RBFOX1: variants seen among roughly 807,000 people sequenced by gnomAD.
The protein encoded by RBFOX1 is RNA binding fox-1 homolog 1.
A neutral mutation model predicts 57.7 loss-of-function variants in RBFOX1; 8 were observed. That is an observed-to-expected ratio of 0.14 (90% CI 0.08 to 0.25). RBFOX1 has a LOEUF of 0.25. Ranked by LOEUF, RBFOX1 falls within the 10% of genes least tolerant of loss-of-function variation. RBFOX1 has a pLI of 1.00. For synonymous variants in RBFOX1, 326 were observed against 222.4 expected (o/e 1.47, Z -4.15); for missense variants, 611 against 548.5 (o/e 1.11, Z -1.14).
intron 1 of RBFOX1, among the ~76,000 whole-genome samples, chr16:6,179,217 C>G (rs923797728): frequency 6.6e-6 from 1 of 152,150 alleles, no homozygotes; most frequent in African/African-American, 2.4e-5. Flanking sequence ...GCTGTCTTCT[C>G]CCTTTAACTA....
rs924410078 is a variant in RBFOX1, at chr16:7,254,362, C to T, written c.27+202264C>T. Among the ~76,000 whole-genome samples, 9 of 152,192 alleles carry T rather than the reference C, an allele frequency of 5.9e-5. No individual in the cohort carries two copies. The South Asian group carries it at 1.0e-3, about 18-fold the overall frequency. On this transcript the variant is annotated intron_variant, in intron 4 of 15. Transcript: ENST00000550418. ...CCAACCCTGGGCTCCTTAGGTTAATCGGGTTTATTGGATTATCTAGCACAT... is the reference window on the plus strand; with the variant it reads ...CCAACCCTGGGCTCCTTAGGTTAATTGGGTTTATTGGATTATCTAGCACAT...
chr16:6,403,386 A>G (rs186413864), intron 2 of RBFOX1, among the ~76,000 whole-genome samples: 5 of 152,108 alleles, frequency 3.3e-5, no homozygotes, highest in Admixed American at 2.6e-4. Flanking sequence ...TTTTAAATAG[A>G]GGATTCTACT....
chr16:5,372,451 AAAAT>A (rs71142617), intron 1 of RBFOX1, among the ~76,000 whole-genome samples: 21,469 of 152,194 alleles, frequency 0.14, 2,091 homozygotes, highest in Non-Finnish European at 0.2. Flanking sequence ...TTGGTCATGA[AAAAT>A]AAATAAGTAA....
chr16:5,438,841 C>T (rs1409407854), intron 1 of RBFOX1, among the ~76,000 whole-genome samples: 1 of 152,024 alleles, frequency 6.6e-6, no homozygotes, highest in African/African-American at 2.4e-5. Context: ...GGTCAAAATC[C>T]CGCCTTCACC....
At chr16:7,646,113 A>G (rs951462773) in intron 11 of RBFOX1, among the ~76,000 whole-genome samples, 6 of 152,228 alleles carry the variant, frequency 3.9e-5, no homozygotes, top group African/African-American at 1.4e-4. Flanking sequence ...GTAAAATCCT[A>G]TGTTATAAAC....
At chr16:6,774,427 A>C (rs913007772) in intron 3 of RBFOX1, among the ~76,000 whole-genome samples, 2 of 152,180 alleles carry the variant, frequency 1.3e-5, no homozygotes, top group Non-Finnish European at 2.9e-5. Flanking sequence ...GGGACTCTAA[A>C]TAATAGGTTC....
At chr16:7,051,926 A>C in intron 3 of RBFOX1, 131 bp from the exon 4 acceptor site, 2 of 1,403,746 alleles carry the variant, frequency 1.4e-6, no homozygotes, top group Non-Finnish European at 1.9e-6. Flanking sequence ...CCTAAAGAAA[A>C]ATTAAATACA....
chr16:5,598,939 C>G, exon 3 of RBFOX1: 3 of 1,533,408 alleles, frequency 2.0e-6, no homozygotes, highest in South Asian at 1.2e-5. Context: ...CTCCCCGGTG[C>G]CAAGAACAGC....
At chr16:5,865,266 C>T (rs2057319418) in intron 3 of RBFOX1, among the ~76,000 whole-genome samples, 1 of 152,108 alleles carries the variant, frequency 6.6e-6, no homozygotes, top group African/African-American at 2.4e-5. Context: ...TAATGTAGCC[C>T]AGGGATCTTG....
chr16:5,674,086 T>G (rs1196822114), intron 3 of RBFOX1, among the ~76,000 whole-genome samples: 1 of 152,170 alleles, frequency 6.6e-6, no homozygotes, highest in East Asian at 1.9e-4. Flanking sequence ...TATGTAGTAT[T>G]GTTCTAGGAG....
chr16:6,624,768 G>C (rs1202857496), intron 2 of RBFOX1, among the ~76,000 whole-genome samples: 2 of 152,152 alleles, frequency 1.3e-5, no homozygotes, highest in African/African-American at 2.4e-5. Context: ...CTTATGTCAA[G>C]TCAGTGAAGG....
At chr16:7,158,095 T>C (rs568289208) in intron 4 of RBFOX1, among the ~76,000 whole-genome samples, 1 of 152,260 alleles carries the variant, frequency 6.6e-6, no homozygotes, top group East Asian at 1.9e-4. Context: ...AAGCCTGTAA[T>C]TCCAGCATTT....
chr16:5,578,791 G>A (rs927053480), intron 2 of RBFOX1, among the ~76,000 whole-genome samples: 2 of 150,206 alleles, frequency 1.3e-5, no homozygotes, highest in Non-Finnish European at 2.9e-5. Flanking sequence ...GTGTTTTTGC[G>A]CTTCAATCCC....
intron 3 of RBFOX1, among the ~76,000 whole-genome samples, chr16:6,702,713 C>T (rs1329108041): frequency 5.9e-5 from 9 of 152,186 alleles, no homozygotes; most frequent in Non-Finnish European, 1.3e-4. Flanking sequence ...TGTTCTCTCT[C>T]TGGTTTTTGT....
chr16:6,245,217 G>T (rs576236439), intron 1 of RBFOX1, among the ~76,000 whole-genome samples: 1 of 152,104 alleles, frequency 6.6e-6, no homozygotes, highest in African/African-American at 2.4e-5. Flanking sequence ...AGTCATGTGG[G>T]TTCATGAATA....
chr16:5,732,938 A>G (rs1597017481), intron 3 of RBFOX1, among the ~76,000 whole-genome samples: 1 of 152,290 alleles, frequency 6.6e-6, no homozygotes, highest in South Asian at 2.1e-4. Flanking sequence ...CAAGGAGTCA[A>G]CTTGGTGGGT....
At chr16:5,432,307 G>A (rs955988442) in intron 1 of RBFOX1, among the ~76,000 whole-genome samples, 1 of 144,970 alleles carries the variant, frequency 6.9e-6, no homozygotes, top group Admixed American at 7.1e-5. Flanking sequence ...AGGCCTCGCC[G>A]CAAGAAGCCT....
intron 11 of RBFOX1, among the ~76,000 whole-genome samples, chr16:7,640,287 G>C (rs189773499): frequency 6.6e-6 from 1 of 152,272 alleles, no homozygotes; most frequent in East Asian, 1.9e-4. Flanking sequence ...TGTTTAAAGG[G>C]AAAGTTCTGC....
intron 1 of RBFOX1, among the ~76,000 whole-genome samples, chr16:5,386,281 C>A (rs187936954): frequency 7.2e-5 from 11 of 152,014 alleles, no homozygotes; most frequent in Admixed American, 7.2e-4. Flanking sequence ...AGAGCTGGGA[C>A]TGGGCTTCTC....
Sources: allele counts gnomAD v4.1 joint callset (sites outside exome capture counted in the v4.1 genomes callset), GRCh38; gene constraint gnomAD v4.1.1; transcripts MANE v1.5; gene names NCBI Gene and HGNC (gene_info 2026-07-23, HGNC 2026-07-21).